TCOF1: variants seen among roughly 807,000 people sequenced by gnomAD.
TCOF1 encodes treacle ribosome biogenesis factor 1.
A neutral mutation model predicts 149.0 loss-of-function variants in TCOF1; 33 were observed. That is an observed-to-expected ratio of 0.22 (90% CI 0.17 to 0.30). TCOF1 has a LOEUF of 0.30. TCOF1 is among the 10% of genes least tolerant of loss of function. TCOF1 has a pLI of 1.00. For synonymous variants in TCOF1, 789 were observed against 738.8 expected (o/e 1.07, Z -1.10); for missense variants, 1,728 against 1,840.7 (o/e 0.94, Z 1.12).
intron 24 of TCOF1, among the ~76,000 whole-genome samples, 185 bp downstream of exon 24, chr5:150,397,027 C>T (rs1031192659): frequency 2.0e-5 from 3 of 151,960 alleles, no homozygotes; most frequent in East Asian, 3.9e-4. Flanking sequence ...GATGTGGTGG[C>T]GGGCACCTGT....
intron 7 of TCOF1, 118 bp from the exon 8 acceptor site, chr5:150,374,056 G>A (rs1412865315): frequency 2.7e-6 from 3 of 1,120,178 alleles, no homozygotes; most frequent in Non-Finnish European, 4.0e-6. Flanking sequence ...GGTGGGGAGT[G>A]GGGAGGGAAG....
intron 17 of TCOF1, chr5:150,384,453 TG>T: frequency 1.0e-6 from 1 of 985,458 alleles, no homozygotes; most frequent in Non-Finnish European, 1.2e-6. Flanking sequence ...TCTGACCCGT[TG>T]CCTGGTGCTG....
Position 150,392,057 on chromosome 5 carries a change from T to G in TCOF1, c.3398T>G (p.Val1133Gly), listed in dbSNP as rs536509445. 5 of 1,614,010 alleles carry G rather than the reference T, an allele frequency of 3.1e-6. No homozygotes were observed. The African/African-American group carries it at 6.7e-5, about 22-fold the overall frequency. The change falls in exon 21 of 27, where the codon GTC becomes GGC. Residue 1133 changes from valine (V) to glycine (G), a missense_variant. Val to Gly is a moderately radical substitution (Grantham distance 109, BLOSUM62 -3). This residue lies in a region of TCOF1 where 1,696 missense variants were observed against 1,765.4 expected (regional missense o/e 0.96). Coordinates refer to ENST00000643257, the MANE Select transcript of TCOF1 (RefSeq NM_001371623.1). The part of the protein sequence containing the change: ...NKLRKPKLPE[V>G]QQATKAPESS... ...CTCAGAAAACCTAAGCTTCCTGAGG[T>G]CCAGCAGGCCACCAAAGCCCCTGAG...
rs758364671 is a variant in TCOF1, at chr5:150,375,061, A to G, written c.1386A>G (p.Ala462=). 8 of 1,614,016 alleles carry G rather than the reference A, an allele frequency of 5.0e-6. No individual in the cohort carries two copies. The highest frequency in any genetic ancestry group is 6.8e-6 in the Non-Finnish European group (8 of 1,180,044). Residue 462 remains alanine, a synonymous_variant, in exon 10 of 27, where the codon GCA becomes GCG. Coordinates refer to ENST00000643257, the MANE Select transcript of TCOF1 (RefSeq NM_001371623.1). ...CACCTCCTAGGAAAACAGGGCCTGC[A>G]GCCGCCCAGGTCCAGGTGGGGAAGC... The part of the protein sequence containing the change: ...APAPPRKTGP[A]AAQVQVGKQE...
chr5:150,374,214 C>T lies in TCOF1; in HGVS notation c.911C>T (p.Ser304Leu), dbSNP rs144193760. 1.9e-4 allele frequency: 300 copies of T among 1,612,762 alleles called. No homozygotes were observed. The highest frequency in any genetic ancestry group is 1.8e-3 in the Middle Eastern group (11 of 6,010). Residue 304 changes from serine (S) to leucine (L), a missense_variant, in exon 8 of 27, where the codon TCA (serine) becomes TTA (leucine). Coordinates refer to ENST00000643257, the MANE Select transcript of TCOF1 (RefSeq NM_001371623.1). ...AAAATTCTCCAGGTCAGAGCTGCCT[C>T]AGCCCCTGCCAAGGGGACCCCTGGG... is the stretch of plus-strand genomic sequence containing the variant. ...SEKILQVRAA[S>L]APAKGTPGKG...
At position 150,400,024 on chromosome 5, in the gene TCOF1, A is replaced by C. The variant is rs367927888; in HGVS notation, c.*237A>C. 2.8e-4 allele frequency: 43 copies of C among 152,312 alleles called. No individual in the cohort carries two copies. The highest frequency in any genetic ancestry group is 1.0e-3 in the African/African-American group (43 of 41,492). 9.4% of individuals were successfully genotyped at this position (152,312 alleles called of 1,614,324 possible). ...CCCATGACCTCACCCCACTCCCCCA[A>C]CACAGGACGCTTCATATAGATGTGT... On this transcript the variant is annotated 3_prime_UTR_variant, in exon 27 of 27. Coordinates refer to ENST00000643257, the MANE Select transcript of TCOF1 (RefSeq NM_001371623.1).
chr5:150,383,955 C>T, intron 17 of TCOF1: 4 of 1,447,830 alleles, frequency 2.8e-6, no homozygotes, highest in Non-Finnish European at 3.6e-6. Flanking sequence ...GAACCCTGGC[C>T]CTTCCATCAG....
At position 150,392,704 on chromosome 5, in the gene TCOF1, G is replaced by T. The variant is rs1204442859; in HGVS notation, c.3518-1G>T. On this transcript the variant is annotated splice_acceptor_variant, in intron 21 of 26. Transcript: ENST00000643257. LOFTEE classifies it high-confidence loss of function. ...ACCAACAGGATACTGTGCTTCTCCA[G>T]TAGGTCCCACCCCCTCCAGGACAGA... The T allele has an allele frequency of 1.2e-6, 2 of 1,613,968 alleles. No homozygotes were observed. Among genetic ancestry groups the T allele is most frequent in the South Asian group, 2.2e-5 (2 of 91,074 alleles).
At chr5:150,358,726 A>G (rs747956540) in intron 1 of TCOF1, among the ~76,000 whole-genome samples, 3 of 152,116 alleles carry the variant, frequency 2.0e-5, no homozygotes, top group Non-Finnish European at 4.4e-5. Flanking sequence ...AATCCTGGCT[A>G]CTCATGTGGC....
At position 150,392,032 on chromosome 5, in the gene TCOF1, C is replaced by T. The variant is rs777817172; in HGVS notation, c.3373C>T (p.Leu1125Phe). 6.2e-7 allele frequency: 1 copy of T among 1,614,254 alleles called. No individual in the cohort carries two copies. Among genetic ancestry groups the T allele is most frequent in the South Asian group, 1.1e-5 (1 of 91,088 alleles). ...TSVQAKGTNKLRKPKLPEVQQ... is the reference protein window; with the variant it reads ...TSVQAKGTNKFRKPKLPEVQQ... ...CGTCCAGGCCAAAGGGACCAACAAGCTCAGAAAACCTAAGCTTCCTGAGGT... is the reference window on the plus strand; with the variant it reads ...CGTCCAGGCCAAAGGGACCAACAAGTTCAGAAAACCTAAGCTTCCTGAGGT... Residue 1125 changes from leucine (L) to phenylalanine (F), a missense_variant, in exon 21 of 27, where the codon CTC (leucine) becomes TTC (phenylalanine). Transcript: ENST00000643257.
rs751209140 is a variant in TCOF1, at chr5:150,379,619, C to T, written c.2746C>T (p.Pro916Ser). 1 of 1,613,986 alleles carries T rather than the reference C, an allele frequency of 6.2e-7. No individual in the cohort carries two copies. Among genetic ancestry groups the T allele is most frequent in the South Asian group, 1.1e-5 (1 of 91,078 alleles). ...SPRKGAAPTP[P>S]GKTGPSAAQA... Reference sequence around the variant, plus strand: ...CAGGAAAGGGGCTGCCCCAACACCTCCTGGGAAGACAGGGCCTTCGGCTGC... The same window carrying T: ...CAGGAAAGGGGCTGCCCCAACACCTTCTGGGAAGACAGGGCCTTCGGCTGC... The change falls in exon 17 of 27, where the codon CCT (proline) becomes TCT (serine). Residue 916 changes from proline to serine, a missense_variant. By Grantham distance (74) the Pro-to-Ser change is moderately conservative. Coordinates refer to ENST00000643257, the MANE Select transcript of TCOF1 (RefSeq NM_001371623.1).
chr5:150,360,420 G>A (rs1759781395), intron 1 of TCOF1, among the ~76,000 whole-genome samples: 1 of 152,198 alleles, frequency 6.6e-6, no homozygotes, highest in Non-Finnish European at 1.5e-5. Flanking sequence ...AGTAGACTGT[G>A]GTCATGCCAC....
At position 150,389,817 on chromosome 5, in the gene TCOF1, G is replaced by A. The variant is rs896531783; in HGVS notation, c.3047-70G>A. On this transcript the variant is annotated intron_variant, in intron 18 of 26. Transcript: ENST00000643257. ...TCACCAGCACAGGCCGGTAAATTGG[G>A]TTATTGCCGCTGCTGAGGAGGCGAT... 3.8e-5 allele frequency: 61 copies of A among 1,612,624 alleles called. No individual in the cohort carries two copies. In the African/African-American group the frequency reaches 6.8e-4, roughly 18 times the overall value.
intron 17 of TCOF1, chr5:150,383,618 A>ATTGGGAATCAAGCC: frequency 9.4e-7 from 1 of 1,065,056 alleles, no homozygotes; most frequent in Middle Eastern, 2.0e-4. Context: ...CATTTGACAG[A>ATTGGGAATCAAGCC]TTGGGAATCA....
rs559541404 is a variant in TCOF1 at position 150,366,342 on chromosome 5, C to A, written c.305-1502C>A. On this transcript the variant is annotated intron_variant, in intron 3 of 26. Coordinates refer to ENST00000643257, the MANE Select transcript of TCOF1 (RefSeq NM_001371623.1). ...CTCCAGCCTGGGCAGCAGAGCAAGA[C>A]CCTGTCTCAAAAAAAATTTAAAAAC... Among the ~76,000 whole-genome samples the A allele has an allele frequency of 5.3e-5, 8 of 152,104 alleles. No homozygotes were observed. The East Asian group carries it at 5.8e-4, about 11-fold the overall frequency.
In TCOF1 at chr5:150,375,919, G is replaced by A. The variant is rs779702948; in HGVS notation, c.1893+10G>A. 6.2e-7 allele frequency: 1 copy of A among 1,614,178 alleles called. No individual in the cohort carries two copies. The highest frequency in any genetic ancestry group is 1.3e-5 in the African/African-American group (1 of 75,074). ...CATGACTGCAGCTCAGGTGAGGCCT[G>A]GGGAAGGAGGCTGCTACATGGCCTG... On this transcript the variant is annotated intron_variant, in intron 12 of 26. Coordinates refer to ENST00000643257, the MANE Select transcript of TCOF1 (RefSeq NM_001371623.1).
chr5:150,374,474 C>T, intron 8 of TCOF1, 88 bp downstream of exon 8: 1 of 1,547,252 alleles, frequency 6.5e-7, no homozygotes, highest in Non-Finnish European at 8.8e-7. Flanking sequence ...GGGCCAGAGC[C>T]CCGGGCGTGC....
At chr5:150,381,702 C>T (rs1182308598) in intron 17 of TCOF1, among the ~76,000 whole-genome samples, 1 of 152,224 alleles carries the variant, frequency 6.6e-6, no homozygotes, top group Non-Finnish European at 1.5e-5. Flanking sequence ...AGTTCTTAGT[C>T]AGAATGGCCT....
At chr5:150,396,048 A>G (rs1768434453) in intron 23 of TCOF1, among the ~76,000 whole-genome samples, 1 of 152,142 alleles carries the variant, frequency 6.6e-6, no homozygotes, top group Non-Finnish European at 1.5e-5. Flanking sequence ...AGTTTTTAGT[A>G]TAAAGAGACA....
Sources: gnomAD v4.1 joint callset for allele counts (sites outside exome capture counted in the v4.1 genomes callset) on GRCh38, gnomAD v4.1.1 for gene constraint, gnomAD v4.1.1 regional missense constraint, MANE v1.5 for transcripts, NCBI Gene and HGNC (gene_info 2026-07-23, HGNC 2026-07-21) for gene names.